ADGRV1: variants seen among roughly 807,000 people sequenced by gnomAD.
ADGRV1 encodes the protein G-protein coupled receptor 98.
Under a neutral mutation model 596.2 loss-of-function variants are expected in ADGRV1, and 359 were observed. That is an observed-to-expected ratio of 0.60 (90% CI 0.55 to 0.66). The LOEUF (loss-of-function observed/expected upper bound fraction) is 0.66. ADGRV1 is among the 30% of genes least tolerant of loss of function. The pLI, the probability that ADGRV1 is intolerant of heterozygous loss-of-function variation, is 0.00. For missense variants in ADGRV1, 7,274 were observed against 7,575.6 expected, an observed-to-expected ratio of 0.96 and a Z score of 1.48; for synonymous variants, 2,681 against 2,679.2, an observed-to-expected ratio of 1.00 and a Z score of -0.02.
At chr5:90,650,640 C>G (rs1316967878) in intron 17 of ADGRV1, among the ~76,000 whole-genome samples, 5 of 152,046 alleles carry the variant, frequency 3.3e-5, no homozygotes, top group African/African-American at 4.8e-5. Context: ...GGTTACTGAG[C>G]ATCTATTTTT....
chr5:90,784,337 TCACA>T (rs1759192176), intron 67 of ADGRV1, among the ~76,000 whole-genome samples: 1 of 152,206 alleles, frequency 6.6e-6, no homozygotes, highest in Non-Finnish European at 1.5e-5. Context: ...TTTCTGTGTG[TCACA>T]CACTGTTCTA....
At chr5:90,860,636 T>C (rs1767462503) in intron 82 of ADGRV1, among the ~76,000 whole-genome samples, 1 of 152,016 alleles carries the variant, frequency 6.6e-6, no homozygotes, top group African/African-American at 2.4e-5. Flanking sequence ...GCAAAAGTAA[T>C]TGCAGTTTTT....
Position 90,697,110 on chromosome 5 carries a change from T to C in ADGRV1, c.8119T>C (p.Phe2707Leu). The change falls in exon 34 of 90, where the codon TTT (phenylalanine) becomes CTT (leucine). Residue 2707 changes from phenylalanine (F) to leucine (L), a missense_variant. This residue lies in a region of ADGRV1 where 3,643 missense variants were observed against 3,809.2 expected (regional missense o/e 0.96). Coordinates refer to ENST00000405460, the MANE Select transcript of ADGRV1 (RefSeq NM_032119.4). Reference protein sequence around the residue: ...ANDNVAGIVSFQTASRSVIGH... With the variant: ...ANDNVAGIVSLQTASRSVIGH... The stretch of plus-strand genomic sequence containing the variant: ...TGACAATGTGGCAGGAATTGTTAGC[T>C]TTCAGACAGCTTCCAGATCTGTCAT... 1 of 1,613,386 alleles carries C rather than the reference T, an allele frequency of 6.2e-7. No homozygotes were observed. Among genetic ancestry groups the C allele is most frequent in the South Asian group, 1.1e-5 (1 of 91,058 alleles).
intron 85 of ADGRV1, among the ~76,000 whole-genome samples, chr5:91,057,726 G>A (rs1455942798): frequency 6.6e-6 from 1 of 152,150 alleles, no homozygotes; most frequent in Non-Finnish European, 1.5e-5. Flanking sequence ...GGTGGGAGAG[G>A]GGATTGTGAG....
chr5:90,920,208 C>A (rs982115599), intron 83 of ADGRV1, among the ~76,000 whole-genome samples: 2 of 151,932 alleles, frequency 1.3e-5, no homozygotes, highest in African/African-American at 4.8e-5. Context: ...GGTTTATAAA[C>A]GTTTTTTCAC....
intron 83 of ADGRV1, among the ~76,000 whole-genome samples, chr5:90,948,481 C>T (rs932313197): frequency 2.0e-5 from 3 of 151,998 alleles, no homozygotes; most frequent in African/African-American, 7.2e-5. Flanking sequence ...TAAGTGTTAC[C>T]AGTAGGAATA....
At chr5:90,896,962 A>G (rs577505179) in intron 83 of ADGRV1, among the ~76,000 whole-genome samples, 1 of 152,290 alleles carries the variant, frequency 6.6e-6, no homozygotes, top group Non-Finnish European at 1.5e-5. Flanking sequence ...GTAGACCATG[A>G]AGTCCCACAA....
chr5:90,711,293 G>A lies in ADGRV1; in HGVS notation c.9013G>A (p.Val3005Met), dbSNP rs1441659390. 6.2e-7 allele frequency: 1 copy of A among 1,612,978 alleles called. No homozygotes were observed. The highest frequency in any genetic ancestry group is 1.1e-5 in the South Asian group (1 of 90,812). Residue 3005 changes from valine to methionine, a missense_variant, in exon 41 of 90, where the codon GTG (valine) becomes ATG (methionine). This residue lies in a region of ADGRV1 where 3,643 missense variants were observed against 3,809.2 expected (regional missense o/e 0.96). Transcript: ENST00000405460. ...FVYAQNLEAQVGLDYIFTPMI... is the reference protein window; with the variant it reads ...FVYAQNLEAQMGLDYIFTPMI... ...GTATGCTCAGAATTTGGAAGCACAAGTGGGGCTGGATTATATCTTCACCCC... is the reference window on the plus strand; with the variant it reads ...GTATGCTCAGAATTTGGAAGCACAAATGGGGCTGGATTATATCTTCACCCC...
chr5:90,843,413 G>A (rs999991073), intron 78 of ADGRV1, among the ~76,000 whole-genome samples: 9 of 124,942 alleles, frequency 7.2e-5, no homozygotes, highest in Non-Finnish European at 1.2e-4. Context: ...TCAATGGGTC[G>A]AAAATATTAT....
chr5:90,702,276 C>T (rs1022606731), intron 34 of ADGRV1, among the ~76,000 whole-genome samples: 1 of 151,774 alleles, frequency 6.6e-6, no homozygotes, highest in African/African-American at 2.4e-5. Context: ...TCATTTTCAT[C>T]CCAATCTTTG....
chr5:91,125,860 CA>C (rs1438687397), intron 87 of ADGRV1, among the ~76,000 whole-genome samples: 1 of 152,190 alleles, frequency 6.6e-6, no homozygotes, highest in African/African-American at 2.4e-5. Flanking sequence ...ATATTTGATA[CA>C]GAGGGATCTT....
intron 34 of ADGRV1, among the ~76,000 whole-genome samples, chr5:90,697,808 G>T (rs1384987052): frequency 6.6e-6 from 1 of 152,042 alleles, no homozygotes; most frequent in Non-Finnish European, 1.5e-5. Context: ...CTGTTTTGGG[G>T]TAAATAGGTA....
At chr5:90,569,354 GATATAT>G (rs1185532852) in intron 1 of ADGRV1, among the ~76,000 whole-genome samples, 277 of 12,774 alleles carry the variant, frequency 0.022, 18 homozygotes, top group South Asian at 0.045. Flanking sequence ...CTGTTTGCAT[GATATAT>G]ATATATATAT....
intron 17 of ADGRV1, 59 bp downstream of exon 17, chr5:90,647,823 T>A: frequency 6.9e-7 from 1 of 1,455,190 alleles, no homozygotes; most frequent in East Asian, 2.3e-5. Flanking sequence ...AAGATGAAAT[T>A]AAGCACTGCA....
intron 34 of ADGRV1, among the ~76,000 whole-genome samples, chr5:90,699,499 C>T (rs765032654): frequency 2.6e-5 from 4 of 152,016 alleles, no homozygotes; most frequent in Non-Finnish European, 2.9e-5. Context: ...AAAGGATAGA[C>T]GAGATTTAAG....
intron 85 of ADGRV1, among the ~76,000 whole-genome samples, chr5:91,011,096 C>G (rs1331520017): frequency 1.3e-5 from 2 of 151,804 alleles, no homozygotes; most frequent in Non-Finnish European, 2.9e-5. Flanking sequence ...GAAGGGGTAT[C>G]AGGAGTATTT....
chr5:91,121,623 T>C (rs975747714), intron 87 of ADGRV1, among the ~76,000 whole-genome samples: 2 of 152,214 alleles, frequency 1.3e-5, no homozygotes, highest in African/African-American at 2.4e-5. Flanking sequence ...AACCACAGCA[T>C]TGGAGACAAA....
intron 77 of ADGRV1, among the ~76,000 whole-genome samples, chr5:90,837,102 A>G (rs894418552): frequency 6.6e-6 from 1 of 152,260 alleles, no homozygotes; most frequent in African/African-American, 2.4e-5. Flanking sequence ...TAGCCTTAGC[A>G]TCTGTGGCTT....
intron 20 of ADGRV1, among the ~76,000 whole-genome samples, chr5:90,657,293 G>T (rs1769549866): frequency 6.6e-6 from 1 of 151,624 alleles, no homozygotes; most frequent in South Asian, 2.1e-4. Flanking sequence ...AAAAAAGCCA[G>T]GCCTGGCAGT....
Sources: allele counts gnomAD v4.1 joint callset (sites outside exome capture counted in the v4.1 genomes callset), GRCh38; gene constraint gnomAD v4.1.1; regional missense constraint gnomAD v4.1.1; transcripts MANE v1.5; gene names NCBI Gene and HGNC (gene_info 2026-07-23, HGNC 2026-07-21).